Variants in ZNF740 observed in about 807,000 individuals in gnomAD.
ZNF740 encodes zinc finger protein 740.
ZNF740 carries 14 observed loss-of-function variants against 24.8 expected under a neutral mutation model. The observed-to-expected ratio is 0.56, with a 90% CI of 0.37 to 0.88. The LOEUF is 0.88. ZNF740 is among the 40% of genes least tolerant of loss of function. ZNF740 has a pLI of 0.00. For missense variants in ZNF740, 201 were observed against 247.9 expected, an observed-to-expected ratio of 0.81 and a Z score of 1.27; for synonymous variants, 69 against 84.0, an observed-to-expected ratio of 0.82 and a Z score of 0.98.
chr12:53,184,150 T>TGTGTGTGCGTGCGC, intron 2 of ZNF740, among the ~76,000 whole-genome samples: 1 of 104,426 alleles, frequency 9.6e-6, no homozygotes, highest in East Asian at 2.8e-4. Context: ...TGTGTGTGTG[T>TGTGTGTGCGTGCGC]GCGCGCGCGC....
In ZNF740 at chr12:53,194,509, G is replaced by T; in HGVS notation, c.*6919G>T. ...AGGCATTTCTGGAGGGAGGACCCGT[G>T]AGAACCTTGCATAGAACATACAGGA... is the stretch of plus-strand genomic sequence containing the variant. On this transcript the variant is annotated 3_prime_UTR_variant, in exon 7 of 7. Coordinates refer to ENST00000416904, the MANE Select transcript of ZNF740 (RefSeq NM_001004304.4). 2 of 637,248 alleles carry T rather than the reference G, an allele frequency of 3.1e-6. No homozygotes were observed. Among genetic ancestry groups the T allele is most frequent in the Non-Finnish European group, 2.7e-6 (1 of 366,752 alleles). The allele number at this position is 637,248 out of a possible 1,614,324, so 39.5% of individuals were successfully genotyped here.
chr12:53,186,746 G>A (rs1488485845), intron 6 of ZNF740: 2 of 409,264 alleles, frequency 4.9e-6, no homozygotes, highest in Non-Finnish European at 4.5e-6. Flanking sequence ...GCCAGGCACT[G>A]TGAGAGCATA....
In ZNF740 at chr12:53,190,503, C is replaced by T. The variant is rs926020222; in HGVS notation, c.*2913C>T. On this transcript the variant is annotated 3_prime_UTR_variant, in exon 7 of 7. Transcript: ENST00000416904. ...TGCCCCAAGTCTTTTCCGTCCACCC[C>T]CAACAGCCTTGTCATCACTTAGCTA... 3.3e-5 allele frequency: 5 copies of T among 152,796 alleles called. No homozygotes were observed. In the East Asian group the frequency reaches 5.8e-4, roughly 18 times the overall value. The allele number at this position is 152,796 out of a possible 1,614,324, so 9.5% of individuals were successfully genotyped here. A position where few individuals can be genotyped will look rare whatever the true frequency, so the allele number is the denominator to read the frequency against.
Position 53,193,628 on chromosome 12 carries a change from T to A in ZNF740, c.*6038T>A. 8.0e-7 allele frequency: 1 copy of A among 1,252,860 alleles called. No individual in the cohort carries two copies. Among genetic ancestry groups the A allele is most frequent in the Non-Finnish European group, 1.1e-6 (1 of 903,996 alleles). 77.6% of individuals were successfully genotyped at this position (1,252,860 alleles called of 1,614,324 possible). A position where few individuals can be genotyped will look rare whatever the true frequency, so the allele number is the denominator to read the frequency against. On this transcript the variant is annotated 3_prime_UTR_variant, in exon 7 of 7. Transcript: ENST00000416904. ...GTCGAGGAGACTCCTGTGGGGGGGA[T>A]GGAAAGCAGCGGAGGAATACGGGCC...
intron 3 of ZNF740, 49 bp from the exon 4 acceptor site, chr12:53,185,338 C>T (rs1268982179): frequency 6.3e-7 from 1 of 1,591,812 alleles, no homozygotes. Flanking sequence ...TGGGTCTCAT[C>T]TCATGTTCCG....
Position 53,186,462 on chromosome 12 carries a change from C to T in ZNF740, c.445C>T (p.Arg149Cys), listed in dbSNP as rs1403572915. Residue 149 changes from arginine (R) to cysteine (C), a missense_variant, in exon 6 of 7, where the codon CGT becomes TGT. By Grantham distance (180) the Arg-to-Cys change is radical (BLOSUM62 -3). This residue lies in a region of ZNF740 where 60 missense variants were observed against 107.8 expected (regional missense o/e 0.56). Coordinates refer to ENST00000416904, the MANE Select transcript of ZNF740 (RefSeq NM_001004304.4). The part of the protein sequence containing the change: ...IQKYHLERHK[R>C]VHSGEKPYQC... ...GAAGTACCACCTGGAACGCCACAAG[C>T]GTGTGCACAGTGGTGAAAAGCCTTA... 7.5e-6 allele frequency: 12 copies of T among 1,590,672 alleles called. No individual in the cohort carries two copies. The highest frequency in any genetic ancestry group is 1.1e-5 in the South Asian group (1 of 87,144).
chr12:53,184,150 T>TGCGCGCGCGCGCGCGC (rs377127380), intron 2 of ZNF740, among the ~76,000 whole-genome samples: 4 of 104,346 alleles, frequency 3.8e-5, no homozygotes, highest in African/African-American at 1.5e-4. Flanking sequence ...TGTGTGTGTG[T>TGCGCGCGCGCGCGCGC]GCGCGCGCGC....
At position 53,192,982 on chromosome 12, in the gene ZNF740, GC is replaced by G; in HGVS notation, c.*5395del. ...AGTTGGCCATCATGTGGCACGACAAGCCCACGCATCCAATCTTTTTGAAGTA... is the reference window on the plus strand; with the variant it reads ...AGTTGGCCATCATGTGGCACGACAAGCCACGCATCCAATCTTTTTGAAGTA... On this transcript the variant is annotated 3_prime_UTR_variant, in exon 7 of 7. Transcript: ENST00000416904. 1 of 1,479,216 alleles carries G rather than the reference GC, an allele frequency of 6.8e-7. No homozygotes were observed. The highest frequency in any genetic ancestry group is 9.4e-7 in the Non-Finnish European group (1 of 1,067,224). The allele number at this position is 1,479,216 out of a possible 1,614,324, so 91.6% of individuals were successfully genotyped here. A position where few individuals can be genotyped will look rare whatever the true frequency, so the allele number is the denominator to read the frequency against.
At chr12:53,184,139 GTGTGTGTGTGTGCGCGCGCGCGCTC>G in intron 2 of ZNF740, among the ~76,000 whole-genome samples, 2 of 131,054 alleles carry the variant, frequency 1.5e-5, no homozygotes, top group Admixed American at 7.3e-5. Flanking sequence ...GTGTGTGTGT[GTGTGTGTGTGTGCGCGCGCGCGCTC>G]TGAAGCTAAG....
At position 53,193,082 on chromosome 12, in the gene ZNF740, C is replaced by T. The variant is rs1942024203; in HGVS notation, c.*5492C>T. The T allele has an allele frequency of 3.3e-6, 5 of 1,495,650 alleles. No homozygotes were observed. The highest frequency in any genetic ancestry group is 1.8e-5 in the Admixed American group (1 of 56,066). 92.6% of individuals were successfully genotyped at this position (1,495,650 alleles called of 1,614,324 possible). The stretch of plus-strand genomic sequence containing the variant: ...CTTCCATGCCAGGAGATTCCCAGAG[C>T]CTAAGTGCCTTGGGAAGGCCTCTCA... On this transcript the variant is annotated 3_prime_UTR_variant, in exon 7 of 7. Coordinates refer to ENST00000416904, the MANE Select transcript of ZNF740 (RefSeq NM_001004304.4).
In ZNF740 at chr12:53,181,983, C is replaced by T; in HGVS notation, c.-1C>T. 6 of 1,607,886 alleles carry T rather than the reference C, an allele frequency of 3.7e-6. No homozygotes were observed. Among genetic ancestry groups the T allele is most frequent in the Non-Finnish European group, 5.1e-6 (6 of 1,177,030 alleles). ...TGGGTTGCCTTAAGTGAGAAATCAG[C>T]ATGGCTCAGGTAAAAAGCTCTAGAG... On this transcript the variant is annotated 5_prime_UTR_variant, in exon 2 of 7. Transcript: ENST00000416904.
Position 53,194,055 on chromosome 12 carries a change from G to A in ZNF740, c.*6465G>A. Reference sequence around the variant, plus strand: ...GAAACATGCCTGAGGAAGCCACTCAGACTGCTCCAGGAAGGATGGATGGAG... The same window carrying A: ...GAAACATGCCTGAGGAAGCCACTCAAACTGCTCCAGGAAGGATGGATGGAG... On this transcript the variant is annotated 3_prime_UTR_variant, in exon 7 of 7. Transcript: ENST00000416904. 7.3e-7 allele frequency: 1 copy of A among 1,370,520 alleles called. No individual in the cohort carries two copies. Among genetic ancestry groups the A allele is most frequent in the Non-Finnish European group, 1.0e-6 (1 of 985,498 alleles). The allele number at this position is 1,370,520 out of a possible 1,614,324, so 84.9% of individuals were successfully genotyped here. A position where few individuals can be genotyped will look rare whatever the true frequency, so the allele number is the denominator to read the frequency against.
At position 53,193,619 on chromosome 12, in the gene ZNF740, TGG is replaced by T; in HGVS notation, c.*6035_*6036del. On this transcript the variant is annotated 3_prime_UTR_variant, in exon 7 of 7. Coordinates refer to ENST00000416904, the MANE Select transcript of ZNF740 (RefSeq NM_001004304.4). Reference sequence around the variant, plus strand: ...AGTCGGGATGTCGAGGAGACTCCTGTGGGGGGGATGGAAAGCAGCGGAGGAAT... The same window carrying T: ...AGTCGGGATGTCGAGGAGACTCCTGTGGGGGATGGAAAGCAGCGGAGGAAT... 8.6e-7 allele frequency: 1 copy of T among 1,161,274 alleles called. No individual in the cohort carries two copies. Among genetic ancestry groups the T allele is most frequent in the Non-Finnish European group, 1.2e-6 (1 of 824,334 alleles). 71.9% of individuals were successfully genotyped at this position (1,161,274 alleles called of 1,614,324 possible). A position where few individuals can be genotyped will look rare whatever the true frequency, so the allele number is the denominator to read the frequency against.
Position 53,185,481 on chromosome 12 carries a change from G to A in ZNF740, c.249+5G>A, listed in dbSNP as rs772304986. 1 of 1,613,196 alleles carries A rather than the reference G, an allele frequency of 6.2e-7. No homozygotes were observed. The highest frequency in any genetic ancestry group is 1.3e-5 in the African/African-American group (1 of 75,036). ...TCAAAAAAGACTGTTAAAAAGGCAG[G>A]TAATGGGGTGATCCCCCAAACTCAT... is the stretch of plus-strand genomic sequence containing the variant. On this transcript the variant is annotated splice_donor_5th_base_variant and intron_variant, in intron 4 of 6. Transcript: ENST00000416904.
Position 53,189,107 on chromosome 12 carries a change from G to T in ZNF740, c.*1517G>T, listed in dbSNP as rs1396689702. The T allele has an allele frequency of 6.6e-6, 1 of 151,840 alleles. No individual in the cohort carries two copies. Among genetic ancestry groups the T allele is most frequent in the Non-Finnish European group, 1.5e-5 (1 of 67,948 alleles). 9.4% of individuals were successfully genotyped at this position (151,840 alleles called of 1,614,324 possible). A position where few individuals can be genotyped will look rare whatever the true frequency, so the allele number is the denominator to read the frequency against. On this transcript the variant is annotated 3_prime_UTR_variant, in exon 7 of 7. Coordinates refer to ENST00000416904, the MANE Select transcript of ZNF740 (RefSeq NM_001004304.4). ...TGGGGAACAGAAGGGCTTTTGTTTT[G>T]GAGGGTTTTTTTTTTTAAGATGAAT...
rs1565699192 is a variant in ZNF740, at chr12:53,193,055, GCCTT to G, written c.*5468_*5471del. ...CATACACCGGAATCTTTTGATATTT[GCCTT>G]CCATGCCAGGAGATTCCCAGAGCCT... is the stretch of plus-strand genomic sequence containing the variant. On this transcript the variant is annotated 3_prime_UTR_variant, in exon 7 of 7. Transcript: ENST00000416904. The G allele has an allele frequency of 2.1e-6, 3 of 1,398,922 alleles. No homozygotes were observed. Among genetic ancestry groups the G allele is most frequent in the Non-Finnish European group, 2.0e-6 (2 of 1,009,616 alleles). 86.7% of individuals were successfully genotyped at this position (1,398,922 alleles called of 1,614,324 possible).
chr12:53,186,368 A>C, intron 5 of ZNF740, 23 bp from the exon 6 acceptor site: 1 of 1,549,848 alleles, frequency 6.5e-7, no homozygotes, highest in Non-Finnish European at 8.7e-7. Context: ...CCCCACATTC[A>C]CTTCTCTGTC....
intron 6 of ZNF740, 159 bp downstream of exon 6, chr12:53,186,668 A>G (rs1446274724): frequency 1.1e-5 from 6 of 567,870 alleles, no homozygotes; most frequent in South Asian, 2.2e-5. Context: ...TATGCAGCTG[A>G]TCATGGGGAG....
Position 53,192,448 on chromosome 12 carries a change from C to T in ZNF740, c.*4858C>T. ...ACCAGCCATCATCCAAGATAGGGGCCAAGGCCAGGGTCACATTGGTATGGG... is the reference window on the plus strand; with the variant it reads ...ACCAGCCATCATCCAAGATAGGGGCTAAGGCCAGGGTCACATTGGTATGGG... On this transcript the variant is annotated 3_prime_UTR_variant, in exon 7 of 7. Coordinates refer to ENST00000416904, the MANE Select transcript of ZNF740 (RefSeq NM_001004304.4). 1 of 1,614,166 alleles carries T rather than the reference C, an allele frequency of 6.2e-7. No individual in the cohort carries two copies. Among genetic ancestry groups the T allele is most frequent in the Non-Finnish European group, 8.5e-7 (1 of 1,180,032 alleles).
Sources: gnomAD v4.1 joint callset for allele counts (sites outside exome capture counted in the v4.1 genomes callset) on GRCh38, gnomAD v4.1.1 for gene constraint, gnomAD v4.1.1 regional missense constraint, MANE v1.5 for transcripts, NCBI Gene and HGNC (gene_info 2026-07-23, HGNC 2026-07-21) for gene names.